Variants in GFRA2 observed in about 807,000 individuals in gnomAD.
GFRA2 encodes GDNF family receptor alpha 2.
A neutral mutation model predicts 48.3 loss-of-function variants in GFRA2; 17 were observed. The observed-to-expected ratio is 0.35, with a 90% confidence interval of 0.24 to 0.53. The LOEUF is 0.53. Among genes scored for constraint, GFRA2 ranks in the 20% least tolerant of loss-of-function variants. The probability of loss-of-function intolerance (pLI) is 0.93; values close to 1 mark genes in which losing one functional copy is unlikely to be tolerated. For synonymous variants in GFRA2, 305 were observed against 257.2 expected, an observed-to-expected ratio of 1.19 and a Z score of -1.78; for missense variants, 660 against 637.3, an observed-to-expected ratio of 1.04 and a Z score of -0.38.
At chr8:21,742,131 G>A (rs905847847) in intron 4 of GFRA2, among the ~76,000 whole-genome samples, 1 of 152,116 alleles carries the variant, frequency 6.6e-6, no homozygotes, top group Non-Finnish European at 1.5e-5. Flanking sequence ...AGGCTTGATG[G>A]AGGGGAAGTC....
In GFRA2 at chr8:21,693,293, C is replaced by T; in HGVS notation, c.1380G>A (p.Leu460=). The change falls in exon 9 of 9, where the codon CTG becomes CTA. Residue 460 remains leucine (L), a synonymous_variant. Transcript: ENST00000524240. ...AALTVLSVLM[L]KLAL ...TTCCCACAGCCTACAAGGCCAGTTT[C>T]AGCATCAGGACAGACAGCACGGTCA... The T allele has an allele frequency of 6.2e-7, 1 of 1,612,416 alleles. No individual in the cohort carries two copies. Among genetic ancestry groups the T allele is most frequent in the Non-Finnish European group, 8.5e-7 (1 of 1,179,082 alleles).
chr8:21,789,203 G>A (rs1279793834), upstream of GFRA2: 12 of 155,104 alleles, frequency 7.7e-5, no homozygotes, highest in African/African-American at 2.9e-4. Flanking sequence ...GCCCTTCCTG[G>A]GACTGACCTG....
intron 7 of GFRA2, among the ~76,000 whole-genome samples, chr8:21,697,014 GAGAGAT>G (rs1802218622): frequency 9.0e-6 from 1 of 110,572 alleles, no homozygotes; most frequent in Non-Finnish European, 1.9e-5. Flanking sequence ...GGGACAGAGG[GAGAGAT>G]GAAGGGACAG....
intron 4 of GFRA2, among the ~76,000 whole-genome samples, chr8:21,737,578 C>G: frequency 6.6e-6 from 1 of 152,098 alleles, no homozygotes; most frequent in East Asian, 1.9e-4. Flanking sequence ...TCCAACCTTA[C>G]GCGCACAGAC....
At chr8:21,807,199 G>T (rs1807888794) in intron 1 of GFRA2, among the ~76,000 whole-genome samples, 1 of 152,186 alleles carries the variant, frequency 6.6e-6, no homozygotes, top group Admixed American at 6.5e-5. Flanking sequence ...ATCATTGACA[G>T]CCCACATGAA....
chr8:21,750,604 T>G lies in GFRA2; in HGVS notation c.778A>C (p.Thr260Pro). 6.2e-7 allele frequency: 1 copy of G among 1,605,682 alleles called. No homozygotes were observed. The highest frequency in any genetic ancestry group is 8.5e-7 in the Non-Finnish European group (1 of 1,175,610). The change falls in exon 4 of 9, where the codon ACT becomes CCT. Residue 260 changes from threonine to proline, a missense_variant. Transcript: ENST00000524240. This position sits in a 1 kb window ranked among gnomAD's most constrained non-coding sequence, Gnocchi z 5.7. ...NCLDLRGVCR[T>P]DHLCRSRLAD... ...GGCACTCACCGACACAGGTGGTCAG[T>G]CCGGCACACGCCACGCAGGTCCAGG...
At chr8:21,710,701 T>C (rs995863963) in intron 4 of GFRA2, among the ~76,000 whole-genome samples, 20 of 152,316 alleles carry the variant, frequency 1.3e-4, no homozygotes, top group Admixed American at 1.1e-3. Flanking sequence ...GCAGGCCTGA[T>C]TGCTGGTGCC....
At chr8:21,696,628 G>C (rs1802189938) in intron 7 of GFRA2, among the ~76,000 whole-genome samples, 1 of 152,158 alleles carries the variant, frequency 6.6e-6, no homozygotes, top group South Asian at 2.1e-4. Flanking sequence ...CCCTGGCCTG[G>C]GAGCTTGGCC....
At chr8:21,752,870 G>A (rs1169869463) in intron 3 of GFRA2, among the ~76,000 whole-genome samples, 1 of 152,100 alleles carries the variant, frequency 6.6e-6, no homozygotes, top group Non-Finnish European at 1.5e-5. Context: ...AACCCTGGCA[G>A]CTCCACCTTC....
rs901516433 is a variant in GFRA2, at chr8:21,725,959, C to T, written c.795-19918G>A. Among the ~76,000 whole-genome samples, 30 of 152,250 alleles carry T rather than the reference C, an allele frequency of 2.0e-4. 1 individual carries two copies. The highest frequency in any genetic ancestry group is 1.0e-3 in the Admixed American group (16 of 15,288). ...AGAGCCAGAGCTGCCTGATCTTGAA[C>T]GCTGTGGCTCTCTCCTGAGTGTCCC... On this transcript the variant is annotated intron_variant, in intron 4 of 8. Coordinates refer to ENST00000524240, the MANE Select transcript of GFRA2 (RefSeq NM_001495.5).
Position 21,692,003 on chromosome 8 carries a change from C to T in GFRA2, c.*1275G>A, listed in dbSNP as rs1442055529. On this transcript the variant is annotated 3_prime_UTR_variant, in exon 9 of 9. Transcript: ENST00000524240. ...AAATGGGGGCAAAACCCCACGGGACCGAGGCAGAGGCAGCTTGCTTCCTAG... is the reference window on the plus strand; with the variant it reads ...AAATGGGGGCAAAACCCCACGGGACTGAGGCAGAGGCAGCTTGCTTCCTAG... 1 of 152,634 alleles carries T rather than the reference C, an allele frequency of 6.6e-6. No homozygotes were observed. Among genetic ancestry groups the T allele is most frequent in the African/African-American group, 2.4e-5 (1 of 41,434 alleles). The allele number at this position is 152,634 out of a possible 1,614,324, so 9.5% of individuals were successfully genotyped here.
chr8:21,735,682 G>C (rs954573382), intron 4 of GFRA2, among the ~76,000 whole-genome samples: 2 of 152,108 alleles, frequency 1.3e-5, no homozygotes, highest in African/African-American at 4.8e-5. Flanking sequence ...TTTTTCTTGA[G>C]ACAGGGTCTG....
intron 4 of GFRA2, among the ~76,000 whole-genome samples, chr8:21,739,244 C>A (rs952250109): frequency 2.7e-4 from 41 of 152,176 alleles, no homozygotes; most frequent in African/African-American, 9.9e-4. Context: ...CCTCATTCTG[C>A]TCTAAGCAGG....
rs751473576 is a variant in GFRA2, at chr8:21,705,049, G to A, written c.981C>T (p.Gly327=). The A allele has an allele frequency of 2.5e-6, 4 of 1,610,980 alleles. No homozygotes were observed. The Admixed American group carries it at 5.0e-5, about 20-fold the overall frequency. Residue 327 remains glycine, a synonymous_variant, in exon 6 of 9, where the codon GGC becomes GGT. Transcript: ENST00000524240. ...CACACTCCTCCTCCATGTTCCCGCT[G>A]CCACGACAGCTGCACCAGGGGGACA... is the stretch of plus-strand genomic sequence containing the variant. The part of the protein sequence containing the change: ...IVVSPWCSCR[G]SGNMEEECEK...
intron 4 of GFRA2, among the ~76,000 whole-genome samples, chr8:21,725,132 C>A (rs1034528818): frequency 1.3e-5 from 2 of 152,256 alleles, no homozygotes; most frequent in Admixed American, 1.3e-4. Flanking sequence ...AAGCTTCCAT[C>A]TTCAAAGCAG....
At chr8:21,712,999 A>AAG (rs1432218559) in intron 4 of GFRA2, among the ~76,000 whole-genome samples, 1 of 149,444 alleles carries the variant, frequency 6.7e-6, no homozygotes, top group African/African-American at 2.5e-5. Context: ...AGACCGTGGA[A>AAG]AGAGGGAGAG....
upstream of GFRA2, among the ~76,000 whole-genome samples, chr8:21,792,901 C>A (rs935127685): frequency 1.5e-3 from 223 of 150,848 alleles, no homozygotes; most frequent in East Asian, 0.033. Context: ...CCCGTTTCTG[C>A]AAAAAATACA....
intron 4 of GFRA2, among the ~76,000 whole-genome samples, chr8:21,710,608 A>C (rs1802974359): frequency 6.6e-6 from 1 of 152,206 alleles, no homozygotes; most frequent in African/African-American, 2.4e-5. Flanking sequence ...CAAGGCACTC[A>C]GGGCCCCTTG....
intron 7 of GFRA2, 106 bp from the exon 8 acceptor site, chr8:21,694,623 AGCACAGCCAGC>A (rs1802064636): frequency 1.0e-6 from 1 of 991,050 alleles, no homozygotes; most frequent in African/African-American, 1.6e-5. Flanking sequence ...GGCTCCGCTA[AGCACAGCCAGC>A]GCACACGGTG....
Sources: allele counts gnomAD v4.1 joint callset (sites outside exome capture counted in the v4.1 genomes callset), GRCh38; gene constraint gnomAD v4.1.1; non-coding constraint Gnocchi (gnomAD v3.1); transcripts MANE v1.5; gene names NCBI Gene and HGNC (gene_info 2026-07-23, HGNC 2026-07-21).